RBL1: variants seen among roughly 807,000 people sequenced by gnomAD.
RBL1 encodes the protein RB transcriptional corepressor like 1.
A neutral mutation model predicts 123.0 loss-of-function variants in RBL1; 82 were observed. The ratio of observed to expected loss-of-function variants is 0.67; its 90% CI spans 0.56 to 0.80. The LOEUF (loss-of-function observed/expected upper bound fraction) is 0.80, where lower values mean the gene tolerates loss of function less well. Ranked by LOEUF, RBL1 falls within the 30% of genes least tolerant of loss-of-function variation. The pLI is 0.00. For missense variants in RBL1, 1,171 were observed against 1,299.6 expected (o/e 0.90, Z 1.52); for synonymous variants, 405 against 441.3 (o/e 0.92, Z 1.03).
chr20:37,089,162 T>C (rs1453313268), intron 1 of RBL1, 40 bp from the exon 2 acceptor site: 2 of 1,521,362 alleles, frequency 1.3e-6, no homozygotes, highest in Non-Finnish European at 1.8e-6. Flanking sequence ...GGTATAATAT[T>C]ATGTTAAAAT....
rs116283292 is a variant in RBL1 at position 37,016,423 on chromosome 20, C to T, written c.2722+1856G>A. On this transcript the variant is annotated intron_variant, in intron 19 of 21. Coordinates refer to ENST00000373664, the MANE Select transcript of RBL1 (RefSeq NM_002895.5). ...TTGAGTTTGGCCTATTATCCTCAAA[C>T]GGAGTCAGATTCTAGGACATTATTA... 4.3e-4 allele frequency among the ~76,000 whole-genome samples: 66 copies of T among 152,290 alleles called. 1 individual carries two copies. The highest frequency in any genetic ancestry group is 1.4e-3 in the African/African-American group (60 of 41,576).
At chr20:37,038,053 G>A (rs1459034877) in intron 14 of RBL1, among the ~76,000 whole-genome samples, 1 of 142,764 alleles carries the variant, frequency 7.0e-6, no homozygotes, top group African/African-American at 2.6e-5. Context: ...GTACAGTGGT[G>A]CGATCTCCGC....
chr20:37,090,551 A>G (rs1311735601), intron 1 of RBL1, among the ~76,000 whole-genome samples: 2 of 152,198 alleles, frequency 1.3e-5, no homozygotes, highest in African/African-American at 4.8e-5. Context: ...CTTACGCAAC[A>G]TGAAGGAGAC....
Position 37,089,011 on chromosome 20 carries a change from T to G in RBL1, c.268A>C (p.Ile90Leu), listed in dbSNP as rs148380889. 4.4e-6 allele frequency: 7 copies of G among 1,609,142 alleles called. No individual in the cohort carries two copies. The African/African-American group carries it at 9.4e-5, about 22-fold the overall frequency. ...TACCTTAATTTAGCTGAACGTAGTA[T>G]TCTGGTAAGTGAAACACAGTTGCCT... ...MEGNCVSLTR[I>L]LRSAKLSLIQ... The change falls in exon 2 of 22, where the codon ATA becomes CTA. Residue 90 changes from isoleucine (I) to leucine (L), a missense_variant. Coordinates refer to ENST00000373664, the MANE Select transcript of RBL1 (RefSeq NM_002895.5).
chr20:37,067,917 T>A, intron 3 of RBL1, 69 bp downstream of exon 3: 1 of 1,518,242 alleles, frequency 6.6e-7, no homozygotes, highest in Non-Finnish European at 8.9e-7. Flanking sequence ...AAACAGACTT[T>A]CAAAAAAGTA....
At chr20:37,088,653 G>A (rs1467354736) in intron 2 of RBL1, among the ~76,000 whole-genome samples, 1 of 151,302 alleles carries the variant, frequency 6.6e-6, no homozygotes, top group Non-Finnish European at 1.5e-5. Flanking sequence ...TCAGGAGTTC[G>A]AGAACAGCCT....
chr20:37,049,686 C>T (rs1481518850), intron 11 of RBL1: 2 of 739,176 alleles, frequency 2.7e-6, no homozygotes, highest in East Asian at 2.4e-5. Context: ...CTTACTGCTT[C>T]AACAAACCAG....
At chr20:37,078,461 C>T (rs2065397988) in intron 2 of RBL1, among the ~76,000 whole-genome samples, 2 of 152,136 alleles carry the variant, frequency 1.3e-5, no homozygotes, top group African/African-American at 2.4e-5. Flanking sequence ...AGCAGCATTC[C>T]TTTCTAATAA....
chr20:37,080,514 A>G (rs2065432229), intron 2 of RBL1, among the ~76,000 whole-genome samples: 1 of 148,364 alleles, frequency 6.7e-6, no homozygotes, highest in Non-Finnish European at 1.5e-5. Flanking sequence ...GCTGGAGTGC[A>G]GTGGTGCGAT....
intron 1 of RBL1, among the ~76,000 whole-genome samples, chr20:37,091,649 G>A (rs887411614): frequency 6.1e-5 from 8 of 130,518 alleles, no homozygotes; most frequent in African/African-American, 2.2e-4. Flanking sequence ...AAGGGTGAAA[G>A]AACGAGACTC....
At chr20:37,060,359 A>G (rs1038739186) in intron 9 of RBL1, among the ~76,000 whole-genome samples, 4 of 152,176 alleles carry the variant, frequency 2.6e-5, no homozygotes, top group Admixed American at 6.5e-5. Flanking sequence ...AATAAAGTCA[A>G]TGTAAAATCA....
intron 9 of RBL1, among the ~76,000 whole-genome samples, chr20:37,060,842 T>C (rs1382405465): frequency 1.3e-5 from 2 of 152,048 alleles, no homozygotes; most frequent in Non-Finnish European, 2.9e-5. Context: ...AAGCTGGAAT[T>C]AGTCTCACTA....
rs377290139 is a variant in RBL1 at position 37,094,715 on chromosome 20, C to T, written c.156+1058G>A. Among the ~76,000 whole-genome samples the T allele has an allele frequency of 1.4e-4, 22 of 152,322 alleles. No individual in the cohort carries two copies. In the South Asian group the frequency reaches 3.5e-3, roughly 24 times the overall value. ...GCAGTGGTGTGATCTCCACTCACTG[C>T]GGCCTATGCCTCCTGGGTTTAAGCA... is the stretch of plus-strand genomic sequence containing the variant. On this transcript the variant is annotated intron_variant, in intron 1 of 21. Coordinates refer to ENST00000373664, the MANE Select transcript of RBL1 (RefSeq NM_002895.5).
chr20:37,000,901 G>A (rs1300833235), intron 21 of RBL1, among the ~76,000 whole-genome samples: 3 of 141,114 alleles, frequency 2.1e-5, no homozygotes, highest in Non-Finnish European at 4.7e-5. Flanking sequence ...GGAGGTGGGG[G>A]GGTCAGCCCC....
chr20:37,003,863 C>A lies in RBL1; in HGVS notation c.2875G>T (p.Asp959Tyr). ...GGAAAAGGAGAGAGTGGTGGAGCAT[C>A]CATCTAAAATAACCCAAAAGTCAGA... Reference protein sequence around the residue: ...YDLANQDHMMDAPPLSPFPHI... With the variant: ...YDLANQDHMMYAPPLSPFPHI... Residue 959 changes from aspartate to tyrosine, a missense_variant, in exon 21 of 22, where the codon GAT becomes TAT. Physicochemically the swap from Asp to Tyr is radical, Grantham distance 160 (BLOSUM62 -3). Transcript: ENST00000373664. 1 of 1,602,868 alleles carries A rather than the reference C, an allele frequency of 6.2e-7. No homozygotes were observed. The highest frequency in any genetic ancestry group is 1.1e-5 in the South Asian group (1 of 88,486).
At chr20:37,053,549 G>A (rs1195005409) in intron 11 of RBL1, among the ~76,000 whole-genome samples, 1 of 152,124 alleles carries the variant, frequency 6.6e-6, no homozygotes, top group Non-Finnish European at 1.5e-5. Context: ...AACTGGATAA[G>A]TAATAATCTT....
At chr20:37,049,515 G>A (rs1219615527) in intron 11 of RBL1, 2 of 755,644 alleles carry the variant, frequency 2.6e-6, no homozygotes, top group Non-Finnish European at 2.4e-6. Flanking sequence ...AGAAGAGTAA[G>A]CACAAGAGAA....
At chr20:37,021,156 C>T (rs2064334692) in intron 17 of RBL1, among the ~76,000 whole-genome samples, 2 of 152,162 alleles carry the variant, frequency 1.3e-5, no homozygotes. Context: ...GTGGCTATTA[C>T]AGGATTAGGT....
intron 3 of RBL1, 96 bp from the exon 4 acceptor site, chr20:37,067,393 A>G: frequency 1.0e-6 from 1 of 953,678 alleles, no homozygotes; most frequent in Non-Finnish European, 1.5e-6. Context: ...ATCAAATTAC[A>G]CATGAAATTC....
Sources: gnomAD v4.1 joint callset for allele counts (sites outside exome capture counted in the v4.1 genomes callset) on GRCh38, gnomAD v4.1.1 for gene constraint, MANE v1.5 for transcripts, NCBI Gene and HGNC (gene_info 2026-07-23, HGNC 2026-07-21) for gene names.